ATP6V1A: variants seen among roughly 807,000 people sequenced by gnomAD.
The protein encoded by ATP6V1A is ATPase H+ transporting V1 subunit A, also known as V-type proton ATPase catalytic subunit A.
Under a neutral mutation model 70.1 loss-of-function variants are expected in ATP6V1A, and 18 were observed. The observed-to-expected ratio is 0.26, with a 90% CI of 0.18 to 0.38. The LOEUF (loss-of-function observed/expected upper bound fraction) is 0.38, where lower values mean the gene tolerates loss of function less well. Ranked by LOEUF, ATP6V1A falls within the 10% of genes least tolerant of loss-of-function variation. ATP6V1A has a pLI of 1.00. For missense variants in ATP6V1A, 424 were observed against 772.4 expected, an observed-to-expected ratio of 0.55 and a Z score of 5.35; for synonymous variants, 232 against 253.8, an observed-to-expected ratio of 0.91 and a Z score of 0.82.
rs1709239668 is a variant in ATP6V1A, at chr3:113,803,566, AT to A, written c.1495-16del. ...CATTTTAGAGTAAATGTCTAAAAATATCTTTTTCTCTTCTAGGCTTCTTTGG... is the reference window on the plus strand; with the variant it reads ...CATTTTAGAGTAAATGTCTAAAAATACTTTTTCTCTTCTAGGCTTCTTTGG... On this transcript the variant is annotated splice_polypyrimidine_tract_variant and intron_variant, in intron 12 of 14. Transcript: ENST00000273398. 6.4e-7 allele frequency: 1 copy of A among 1,559,348 alleles called. No homozygotes were observed. The highest frequency in any genetic ancestry group is 1.4e-5 in the African/African-American group (1 of 73,142).
chr3:113,752,874 G>A (rs1345028939), intron 1 of ATP6V1A, among the ~76,000 whole-genome samples: 2 of 152,076 alleles, frequency 1.3e-5, no homozygotes, highest in Non-Finnish European at 2.9e-5. Flanking sequence ...AGGCTTAAAT[G>A]TAAACAATAA....
intron 1 of ATP6V1A, among the ~76,000 whole-genome samples, chr3:113,768,027 C>T (rs1049031801): frequency 5.9e-5 from 9 of 152,200 alleles, no homozygotes; most frequent in Admixed American, 2.0e-4. Context: ...TTAGCTGACA[C>T]AATTTAAATT....
At chr3:113,790,302 C>CAAA (rs773821991) in intron 8 of ATP6V1A, among the ~76,000 whole-genome samples, 2 of 24,490 alleles carry the variant, frequency 8.2e-5, no homozygotes, top group East Asian at 1.6e-3. Flanking sequence ...GACTCTGTCT[C>CAAA]AAAAAAAAAA....
chr3:113,748,928 A>G (rs111942287), intron 1 of ATP6V1A, among the ~76,000 whole-genome samples: 19 of 151,732 alleles, frequency 1.3e-4, no homozygotes, highest in Admixed American at 2.6e-4. Context: ...AGGAGAGGGG[A>G]AGAAAAAAAG....
intron 12 of ATP6V1A, among the ~76,000 whole-genome samples, chr3:113,800,864 T>C (rs551773587): frequency 6.6e-6 from 1 of 152,096 alleles, no homozygotes; most frequent in Non-Finnish European, 1.5e-5. Flanking sequence ...CATCTAAAAC[T>C]CATGGACTGG....
rs778432894 is a variant in ATP6V1A at position 113,794,908 on chromosome 3, A to G, written c.1025A>G (p.Tyr342Cys). ...TCAGAGTACTTCCGTGACATGGGCTATCATGTCAGTATGATGGCTGACTCT... is the reference window on the plus strand; with the variant it reads ...TCAGAGTACTTCCGTGACATGGGCTGTCATGTCAGTATGATGGCTGACTCT... ...TLSEYFRDMGYHVSMMADSTS... is the reference protein window; with the variant it reads ...TLSEYFRDMGCHVSMMADSTS... Residue 342 changes from tyrosine to cysteine, a missense_variant, in exon 9 of 15, where the codon TAT (tyrosine) becomes TGT (cysteine). Coordinates refer to ENST00000273398, the MANE Select transcript of ATP6V1A (RefSeq NM_001690.4). The G allele has an allele frequency of 1.2e-6, 2 of 1,613,590 alleles. No homozygotes were observed. The highest frequency in any genetic ancestry group is 1.3e-5 in the African/African-American group (1 of 75,038).
chr3:113,789,786 G>GT lies in ATP6V1A; in HGVS notation c.935dup (p.Ala313SerfsTer11). The stretch of plus-strand genomic sequence containing the variant: ...GTCAATTATGAAGAGGACAGCTTTG[G>GT]TAGCCAATACCTCCAATATGCCTGT... On this transcript the variant is annotated frameshift_variant, in exon 8 of 15. Coordinates refer to ENST00000273398, the MANE Select transcript of ATP6V1A (RefSeq NM_001690.4). LOFTEE classifies it high-confidence loss of function. The GT allele has an allele frequency of 6.2e-7, 1 of 1,612,722 alleles. No individual in the cohort carries two copies.
intron 1 of ATP6V1A, among the ~76,000 whole-genome samples, chr3:113,765,439 T>C (rs561052309): frequency 1.3e-5 from 2 of 151,838 alleles, no homozygotes; most frequent in South Asian, 4.2e-4. Context: ...ACCCCATCTC[T>C]ACTAAAAATA....
chr3:113,754,769 C>T (rs1029367266), intron 1 of ATP6V1A, among the ~76,000 whole-genome samples: 14 of 152,152 alleles, frequency 9.2e-5, no homozygotes, highest in Non-Finnish European at 1.9e-4. Context: ...AACTGGATTA[C>T]AAGATTAACT....
rs538838006 is a variant in ATP6V1A at position 113,749,948 on chromosome 3, A to T, written c.-14+2835A>T. Among the ~76,000 whole-genome samples the T allele has an allele frequency of 8.7e-4, 133 of 152,324 alleles. 1 individual carries two copies. The highest frequency in any genetic ancestry group is 3.1e-3 in the African/African-American group (130 of 41,582). The stretch of plus-strand genomic sequence containing the variant: ...GCTGAGACCAACTTATTTTCACAGC[A>T]TGTTTGTTTACTAATAAGTATGGTT... On this transcript the variant is annotated intron_variant, in intron 1 of 14. Coordinates refer to ENST00000273398, the MANE Select transcript of ATP6V1A (RefSeq NM_001690.4).
chr3:113,771,304 T>C (rs896234660), intron 1 of ATP6V1A, among the ~76,000 whole-genome samples: 1 of 152,144 alleles, frequency 6.6e-6, no homozygotes, highest in African/African-American at 2.4e-5. Context: ...ATTAGTATGT[T>C]GTATGACCAT....
At chr3:113,790,145 C>A (rs1291971041) in intron 8 of ATP6V1A, among the ~76,000 whole-genome samples, 1 of 151,596 alleles carries the variant, frequency 6.6e-6, no homozygotes, top group Non-Finnish European at 1.5e-5. Flanking sequence ...GTGGCAGCCA[C>A]CTTTAATCCC....
intron 12 of ATP6V1A, among the ~76,000 whole-genome samples, chr3:113,803,109 G>A (rs1709234210): frequency 6.6e-6 from 1 of 152,160 alleles, no homozygotes; most frequent in Non-Finnish European, 1.5e-5. Flanking sequence ...CCCATCACAT[G>A]CCTCAATACA....
At chr3:113,788,032 T>A (rs2108032739) in intron 6 of ATP6V1A, among the ~76,000 whole-genome samples, 1 of 152,288 alleles carries the variant, frequency 6.6e-6, no homozygotes, top group South Asian at 2.1e-4. Context: ...GTTATCCTCC[T>A]GCCCCAGCCT....
chr3:113,793,982 TAC>T (rs1709126406), intron 8 of ATP6V1A, among the ~76,000 whole-genome samples: 1 of 152,190 alleles, frequency 6.6e-6, no homozygotes, highest in African/African-American at 2.4e-5. Flanking sequence ...CTGCCATATA[TAC>T]AAGTATATAG....
At chr3:113,773,968 C>CTA (rs1708880415) in intron 1 of ATP6V1A, among the ~76,000 whole-genome samples, 1 of 151,926 alleles carries the variant, frequency 6.6e-6, no homozygotes, top group Non-Finnish European at 1.5e-5. Flanking sequence ...TATTTTCCAT[C>CTA]TATAATACAG....
In ATP6V1A at chr3:113,810,248, G is replaced by C. The variant is rs1252868461; in HGVS notation, c.*821G>C. The stretch of plus-strand genomic sequence containing the variant: ...GTAGAAACGGGGTTTCACCATATTG[G>C]TCAGGCTGGTCTCGAACTCCAGACC... On this transcript the variant is annotated 3_prime_UTR_variant, in exon 15 of 15. Coordinates refer to ENST00000273398, the MANE Select transcript of ATP6V1A (RefSeq NM_001690.4). 6.6e-6 allele frequency: 1 copy of C among 151,948 alleles called. No individual in the cohort carries two copies. The highest frequency in any genetic ancestry group is 1.5e-5 in the Non-Finnish European group (1 of 68,044). The allele number at this position is 151,948 out of a possible 1,614,324, so 9.4% of individuals were successfully genotyped here.
At chr3:113,769,717 C>G (rs1389307048) in intron 1 of ATP6V1A, among the ~76,000 whole-genome samples, 1 of 152,042 alleles carries the variant, frequency 6.6e-6, no homozygotes, top group Non-Finnish European at 1.5e-5. Flanking sequence ...TTCTGCAGTG[C>G]CTGTTGGGGA....
At chr3:113,808,636 AC>A (rs1298658908) in intron 14 of ATP6V1A, among the ~76,000 whole-genome samples, 7 of 152,050 alleles carry the variant, frequency 4.6e-5, no homozygotes, top group Admixed American at 1.3e-4. Context: ...CCTAAATTTT[AC>A]TTTTCCATCC....
Sources: gnomAD v4.1 joint callset for allele counts (sites outside exome capture counted in the v4.1 genomes callset) on GRCh38, gnomAD v4.1.1 for gene constraint, MANE v1.5 for transcripts, NCBI Gene and HGNC (gene_info 2026-07-23, HGNC 2026-07-21) for gene names.